Variants in MAST2 observed in about 807,000 individuals in gnomAD.
MAST2 encodes microtubule associated serine/threonine kinase 2, also known as microtubule-associated serine/threonine-protein kinase 2.
A neutral mutation model predicts 147.4 loss-of-function variants in MAST2; 70 were observed. That is an observed-to-expected ratio of 0.47 (90% CI 0.39 to 0.58). MAST2 has a LOEUF of 0.58. MAST2 is among the 20% of genes least tolerant of loss of function. The pLI, the probability that MAST2 is intolerant of heterozygous loss-of-function variation, is 0.00. For missense variants in MAST2, 2,080 were observed against 2,302.3 expected (o/e 0.90, Z 1.98); for synonymous variants, 869 against 896.8 (o/e 0.97, Z 0.55).
intron 3 of MAST2, among the ~76,000 whole-genome samples, chr1:45,844,569 C>G (rs1430719137): frequency 1.3e-5 from 2 of 152,060 alleles, no homozygotes; most frequent in Non-Finnish European, 2.9e-5. Context: ...TAGGTGTGAG[C>G]CACCGCGGCC....
Position 46,030,910 on chromosome 1 carries a change from A to C in MAST2, c.2709-97A>C, listed in dbSNP as rs115275887. On this transcript the variant is annotated intron_variant, in intron 22 of 28. Coordinates refer to ENST00000361297, the MANE Select transcript of MAST2 (RefSeq NM_015112.3). ...GCTCCTGGAGGAATGTCTGCGGAGG[A>C]AAGTTCTGTTACTATAACCCTTGTG... The C allele has an allele frequency of 1.3e-3, 1,942 of 1,498,248 alleles. 25 individuals carry two copies. The African/African-American group carries it at 0.024, about 19-fold the overall frequency. The allele number at this position is 1,498,248 out of a possible 1,614,324, so 92.8% of individuals were successfully genotyped here. A position where few individuals can be genotyped will look rare whatever the true frequency, so the allele number is the denominator to read the frequency against.
At chr1:45,823,017 C>T (rs937784627) in intron 1 of MAST2, among the ~76,000 whole-genome samples, 1 of 152,136 alleles carries the variant, frequency 6.6e-6, no homozygotes, top group Admixed American at 6.5e-5. Flanking sequence ...CTTTTATTCA[C>T]TTACCACCAT....
intron 4 of MAST2, among the ~76,000 whole-genome samples, chr1:45,907,105 A>G (rs773274600): frequency 2.6e-5 from 4 of 152,204 alleles, no homozygotes; most frequent in Non-Finnish European, 5.9e-5. Context: ...TGTTCACATA[A>G]TGATGAAATC....
chr1:45,843,458 G>C (rs1352830909), intron 3 of MAST2, among the ~76,000 whole-genome samples: 2 of 152,070 alleles, frequency 1.3e-5, no homozygotes, highest in Non-Finnish European at 2.9e-5. Flanking sequence ...TCAGTGTGAG[G>C]CAAGAGTTTA....
At chr1:45,823,820 C>T (rs529750252) in intron 1 of MAST2, among the ~76,000 whole-genome samples, 1 of 152,116 alleles carries the variant, frequency 6.6e-6, no homozygotes, top group South Asian at 2.1e-4. Flanking sequence ...AAAATGTCTA[C>T]ATGTTGATGA....
intron 1 of MAST2, among the ~76,000 whole-genome samples, chr1:45,806,384 A>C (rs573400187): frequency 6.6e-6 from 1 of 152,298 alleles, no homozygotes; most frequent in African/African-American, 2.4e-5. Flanking sequence ...GTATGAATGT[A>C]TTGTGATGGT....
chr1:45,859,288 T>C (rs1645900389), intron 3 of MAST2, among the ~76,000 whole-genome samples: 1 of 152,134 alleles, frequency 6.6e-6, no homozygotes, highest in South Asian at 2.1e-4. Context: ...TTAATAGAGA[T>C]GTGGTTTCAC....
intron 1 of MAST2, among the ~76,000 whole-genome samples, chr1:45,819,658 A>G (rs2148679253): frequency 6.6e-6 from 1 of 152,314 alleles, no homozygotes; most frequent in South Asian, 2.1e-4. Flanking sequence ...GATCTCTCTA[A>G]TGAAAACTAT....
At chr1:46,002,187 C>A (rs1438374830) in intron 6 of MAST2, among the ~76,000 whole-genome samples, 5 of 152,084 alleles carry the variant, frequency 3.3e-5, no homozygotes. Context: ...GAAGCCTCCC[C>A]CAAAGTCTCA....
intron 4 of MAST2, among the ~76,000 whole-genome samples, chr1:45,953,465 AAAG>A (rs1389809280): frequency 1.3e-5 from 2 of 152,212 alleles, no homozygotes; most frequent in Non-Finnish European, 2.9e-5. Context: ...TCACTCTAGA[AAAG>A]AAGAAACAGA....
rs755355621 is a variant in MAST2, at chr1:46,032,273, T to C, written c.3283T>C (p.Leu1095=). ...GGACTCTTCTCCAAGCAGGGACTTC[T>C]TGCCAGCCCTTGGCAGCATGAGGCC... is the stretch of plus-strand genomic sequence containing the variant. ...SRDSSPSRDF[L]PALGSMRPPI... Residue 1095 remains leucine, a synonymous_variant, in exon 25 of 29, where the codon TTG becomes CTG. Transcript: ENST00000361297. 1.2e-6 allele frequency: 2 copies of C among 1,614,242 alleles called. No individual in the cohort carries two copies. The highest frequency in any genetic ancestry group is 1.6e-4 in the Middle Eastern group (1 of 6,062).
chr1:45,885,199 A>AG (rs1647029566), intron 4 of MAST2, among the ~76,000 whole-genome samples: 1 of 152,094 alleles, frequency 6.6e-6, no homozygotes, highest in South Asian at 2.1e-4. Context: ...GGTCAGAAGG[A>AG]GGGGGCATCA....
chr1:45,852,982 G>A (rs1645670893), intron 3 of MAST2, among the ~76,000 whole-genome samples: 1 of 152,092 alleles, frequency 6.6e-6, no homozygotes, highest in South Asian at 2.1e-4. Context: ...CCAGGCTGGA[G>A]TGCAGTGGCA....
At chr1:45,861,222 A>T (rs1645970822) in intron 3 of MAST2, among the ~76,000 whole-genome samples, 1 of 152,076 alleles carries the variant, frequency 6.6e-6, no homozygotes, top group Admixed American at 6.5e-5. Flanking sequence ...ATTTTTGGTC[A>T]ATTTATCTGG....
chr1:45,811,251 C>T (rs1461078057), intron 1 of MAST2, among the ~76,000 whole-genome samples: 1 of 151,776 alleles, frequency 6.6e-6, no homozygotes, highest in African/African-American at 2.4e-5. Flanking sequence ...ACTGCAGCCT[C>T]CCCCTGTGGG....
intron 2 of MAST2, among the ~76,000 whole-genome samples, chr1:45,828,658 C>T (rs957883014): frequency 5.3e-5 from 8 of 152,200 alleles, no homozygotes; most frequent in Non-Finnish European, 1.0e-4. Context: ...CGTGGTGGCT[C>T]ATGCCTGTAA....
At chr1:46,024,591 CAT>C (rs1416392009) in intron 15 of MAST2, among the ~76,000 whole-genome samples, 10 of 152,148 alleles carry the variant, frequency 6.6e-5, no homozygotes. Context: ...GCTGGGAGTT[CAT>C]AGTGTTACTT....
At chr1:45,969,419 T>C (rs552971582) in intron 5 of MAST2, among the ~76,000 whole-genome samples, 4 of 152,242 alleles carry the variant, frequency 2.6e-5, no homozygotes, top group African/African-American at 9.6e-5. Context: ...GGCCACACAG[T>C]AGGAGGTAAG....
At chr1:45,931,548 G>A (rs1655308856) in intron 4 of MAST2, among the ~76,000 whole-genome samples, 5 of 151,528 alleles carry the variant, frequency 3.3e-5, no homozygotes, top group Admixed American at 3.3e-4. Flanking sequence ...GGAGTGCAGT[G>A]GCATGATCTG....
Sources: allele counts gnomAD v4.1 joint callset (sites outside exome capture counted in the v4.1 genomes callset), GRCh38; gene constraint gnomAD v4.1.1; transcripts MANE v1.5; gene names NCBI Gene and HGNC (gene_info 2026-07-23, HGNC 2026-07-21).